Variants in DDX10 observed in about 807,000 individuals in gnomAD.
DDX10 encodes the protein DEAD-box helicase 10, also known as probable ATP-dependent RNA helicase DDX10.
Under a neutral mutation model 104.3 loss-of-function variants are expected in DDX10, and 74 were observed. That is an observed-to-expected ratio of 0.71 (90% CI 0.59 to 0.86). The LOEUF is 0.86. DDX10 is among the 40% of genes least tolerant of loss of function. The pLI, the probability that DDX10 is intolerant of heterozygous loss-of-function variation, is 0.00. For missense variants in DDX10, 952 were observed against 1,040.0 expected (o/e 0.92, Z 1.16); for synonymous variants, 351 against 353.4 (o/e 0.99, Z 0.08).
At chr11:108,765,198 G>A (rs1188780278) in intron 13 of DDX10, among the ~76,000 whole-genome samples, 2 of 152,102 alleles carry the variant, frequency 1.3e-5, no homozygotes, top group Admixed American at 1.3e-4. Context: ...AAATATAACA[G>A]TCTATTATTT....
At chr11:108,699,176 A>C (rs572168667) in intron 9 of DDX10, among the ~76,000 whole-genome samples, 1 of 151,924 alleles carries the variant, frequency 6.6e-6, no homozygotes, top group East Asian at 1.9e-4. Context: ...AGTAGACTAC[A>C]TTTGAGATAG....
chr11:108,883,486 T>G (rs779944566), intron 16 of DDX10, among the ~76,000 whole-genome samples: 4 of 152,128 alleles, frequency 2.6e-5, no homozygotes, highest in Admixed American at 6.5e-5. Context: ...ATGTCTCTTT[T>G]GTATTAGCAA....
At chr11:108,871,851 C>T (rs1393446002) in intron 16 of DDX10, among the ~76,000 whole-genome samples, 10 of 151,832 alleles carry the variant, frequency 6.6e-5, no homozygotes, top group Admixed American at 4.6e-4. Context: ...TCGCTTGAAC[C>T]GTGGAGGTGG....
At chr11:108,861,559 A>T (rs1160426059) in intron 16 of DDX10, among the ~76,000 whole-genome samples, 1 of 152,188 alleles carries the variant, frequency 6.6e-6, no homozygotes, top group African/African-American at 2.4e-5. Flanking sequence ...AAATACTATG[A>T]TACTCTATTT....
At chr11:108,876,143 A>G (rs532293588) in intron 16 of DDX10, among the ~76,000 whole-genome samples, 1 of 152,346 alleles carries the variant, frequency 6.6e-6, no homozygotes, top group East Asian at 1.9e-4. Context: ...AAAAACAGTA[A>G]TATCACATGA....
intron 13 of DDX10, among the ~76,000 whole-genome samples, chr11:108,776,005 G>A (rs1003010051): frequency 3.3e-5 from 5 of 152,096 alleles, no homozygotes; most frequent in African/African-American, 1.2e-4. Context: ...ATGCTGTGTT[G>A]TATCTTGTTG....
At chr11:108,804,561 G>A (rs1046437429) in intron 13 of DDX10, among the ~76,000 whole-genome samples, 10 of 149,570 alleles carry the variant, frequency 6.7e-5, no homozygotes, top group South Asian at 2.1e-4. Flanking sequence ...CTGAAAACAC[G>A]TGTTTATTAT....
intron 17 of DDX10, among the ~76,000 whole-genome samples, chr11:108,927,972 T>C (rs1443518769): frequency 6.6e-6 from 1 of 152,170 alleles, no homozygotes; most frequent in Non-Finnish European, 1.5e-5. Flanking sequence ...GTGGTTCTGA[T>C]TATTGTGTCC....
At chr11:108,887,989 C>T (rs1030328895) in intron 16 of DDX10, among the ~76,000 whole-genome samples, 4 of 151,372 alleles carry the variant, frequency 2.6e-5, no homozygotes, top group African/African-American at 7.3e-5. Context: ...CTAAATTGCC[C>T]TTGGTTTTTA....
intron 17 of DDX10, among the ~76,000 whole-genome samples, chr11:108,939,436 C>T (rs544637950): frequency 2.6e-5 from 4 of 152,276 alleles, no homozygotes; most frequent in East Asian, 1.9e-4. Flanking sequence ...AGGTATTTAG[C>T]GCAGTGCCAC....
chr11:108,721,551 A>G (rs565953371), intron 12 of DDX10, among the ~76,000 whole-genome samples: 2 of 152,320 alleles, frequency 1.3e-5, no homozygotes, highest in South Asian at 2.1e-4. Context: ...ATCTATTGGT[A>G]GTTGATGACT....
chr11:108,677,040 T>C (rs1287842467), intron 3 of DDX10, 45 bp from the exon 4 acceptor site: 1 of 1,560,512 alleles, frequency 6.4e-7, no homozygotes. Context: ...GTCAAAAAGC[T>C]GACTTCTGAT....
chr11:108,906,971 A>G (rs898836798), intron 16 of DDX10, among the ~76,000 whole-genome samples: 1 of 152,216 alleles, frequency 6.6e-6, no homozygotes, highest in African/African-American at 2.4e-5. Context: ...CTTTTATACC[A>G]ATGCTCAGCA....
intron 13 of DDX10, among the ~76,000 whole-genome samples, chr11:108,797,402 T>C (rs919383934): frequency 5.3e-5 from 8 of 152,194 alleles, no homozygotes; most frequent in African/African-American, 1.9e-4. Flanking sequence ...TAAAACAATA[T>C]TTGCATCTGA....
intron 13 of DDX10, among the ~76,000 whole-genome samples, chr11:108,827,879 A>G (rs1862416770): frequency 6.6e-6 from 1 of 152,196 alleles, no homozygotes; most frequent in Admixed American, 6.5e-5. Context: ...CCATATTTTC[A>G]TTGGCTCTTA....
intron 16 of DDX10, among the ~76,000 whole-genome samples, chr11:108,915,119 A>G (rs1863729726): frequency 6.6e-6 from 1 of 152,126 alleles, no homozygotes; most frequent in Non-Finnish European, 1.5e-5. Context: ...ATGGCTGGAA[A>G]CTCCCCAAAT....
intron 16 of DDX10, among the ~76,000 whole-genome samples, chr11:108,913,544 G>C (rs191736542): frequency 6.6e-4 from 100 of 152,236 alleles, no homozygotes; most frequent in Non-Finnish European, 1.9e-4. Context: ...GGCAAATTGC[G>C]AGGGAGGTAT....
intron 16 of DDX10, among the ~76,000 whole-genome samples, chr11:108,898,596 C>T (rs1043845443): frequency 6.6e-6 from 1 of 151,362 alleles, no homozygotes; most frequent in African/African-American, 2.4e-5. Flanking sequence ...TGAAAATACA[C>T]CAGAATTTCT....
intron 13 of DDX10, among the ~76,000 whole-genome samples, chr11:108,747,443 C>A (rs912520833): frequency 1.9e-4 from 29 of 152,080 alleles, no homozygotes; most frequent in Non-Finnish European, 1.9e-4. Context: ...AGAGTTTTGA[C>A]ATGATCATTG....
Sources: allele counts gnomAD v4.1 joint callset (sites outside exome capture counted in the v4.1 genomes callset), GRCh38; gene constraint gnomAD v4.1.1; transcripts MANE v1.5; gene names NCBI Gene and HGNC (gene_info 2026-07-23, HGNC 2026-07-21).